The following PDZD7 variants were observed in gnomAD, a reference collection of about 807,000 sequenced individuals.
PDZD7 encodes PDZ domain-containing protein 7.
In PDZD7, 72 loss-of-function variants were observed where a neutral mutation model predicts 84.7. The observed-to-expected ratio is 0.85, with a 90% CI of 0.70 to 1.03. The LOEUF (loss-of-function observed/expected upper bound fraction) is 1.03. Among genes scored for constraint, PDZD7 ranks in the 50% least tolerant of loss-of-function variants. PDZD7 has a pLI of 0.00. For missense variants in PDZD7, 1,490 were observed against 1,412.9 expected, an observed-to-expected ratio of 1.05 and a Z score of -0.87; for synonymous variants, 594 against 580.7, an observed-to-expected ratio of 1.02 and a Z score of -0.33.
At chr10:101,019,610 CTCTTCTTCTT>C (rs1468316322) in intron 7 of PDZD7, among the ~76,000 whole-genome samples, 2 of 130,340 alleles carry the variant, frequency 1.5e-5, no homozygotes, top group Non-Finnish European at 3.4e-5. Flanking sequence ...CTTCTTCCTC[CTCTTCTTCTT>C]TCTTCTTCTT....
At position 101,015,786 on chromosome 10, in the gene PDZD7, C is replaced by G; in HGVS notation, c.1599G>C (p.Leu533=). ...RRDQERGRAL[L]SARSGSPSSQ... ...TGGAGGGACTCCCAGACCTGGCAGA[C>G]AGCAGGGCCCGGCCCCTCTCCTGGT... The change falls in exon 11 of 17, where the codon CTG becomes CTC. Residue 533 remains leucine (L), a synonymous_variant. Transcript: ENST00000619208. 6.5e-7 allele frequency: 1 copy of G among 1,549,280 alleles called. No individual in the cohort carries two copies. Among genetic ancestry groups the G allele is most frequent in the Non-Finnish European group, 8.7e-7 (1 of 1,146,752 alleles).
Position 101,022,330 on chromosome 10 carries a change from C to T in PDZD7, c.598G>A (p.Asp200Asn), listed in dbSNP as rs145910584. Residue 200 changes from aspartate (D) to asparagine (N), a missense_variant, in exon 5 of 17, where the codon GAC (aspartate) becomes AAC (asparagine). Physicochemically the swap from Asp to Asn is conservative, Grantham distance 23. Coordinates refer to ENST00000619208, the MANE Select transcript of PDZD7 (RefSeq NM_001195263.2). ...CGGACACCATCTTCTGAGCTGGTGT[C>T]GGAGGGTGTTGAACCGCACTTCTCC... ...VVEKCGSTPS[D>N]TSSEDGVRRI... The T allele has an allele frequency of 1.2e-4, 193 of 1,614,058 alleles. No individual in the cohort carries two copies. The highest frequency in any genetic ancestry group is 4.2e-4 in the Admixed American group (25 of 60,006).
At chr10:101,019,580 C>T (rs868796244) in intron 7 of PDZD7, among the ~76,000 whole-genome samples, 1 of 121,068 alleles carries the variant, frequency 8.3e-6, no homozygotes, top group African/African-American at 3.7e-5. Context: ...CCTCCTCCTC[C>T]TCCTCCTCTT....
intron 2 of PDZD7, among the ~76,000 whole-genome samples, chr10:101,026,196 T>C (rs574277746): frequency 6.6e-6 from 1 of 151,160 alleles, no homozygotes; most frequent in Non-Finnish European, 1.5e-5. Flanking sequence ...GTGCAATGGC[T>C]CAATCTTGGC....
chr10:101,023,265 G>A (rs1853231351), intron 4 of PDZD7, 171 bp downstream of exon 4: 20 of 729,886 alleles, frequency 2.7e-5, no homozygotes, highest in Non-Finnish European at 4.7e-5. Flanking sequence ...GGAGGGCAGG[G>A]GAAAGATGCA....
chr10:101,009,796 AG>A (rs1852335227), intron 15 of PDZD7, among the ~76,000 whole-genome samples: 1 of 151,970 alleles, frequency 6.6e-6, no homozygotes, highest in Non-Finnish European at 1.5e-5. Context: ...TAGTAGAGAC[AG>A]GGTTTCTCCA....
intron 9 of PDZD7, chr10:101,017,842 A>AGAAG (rs1852730251): frequency 3.7e-6 from 1 of 273,084 alleles, no homozygotes; most frequent in Non-Finnish European, 6.1e-6. Context: ...AAGGAAGGAA[A>AGAAG]GAAAGAAAGA....
chr10:101,018,142 G>T lies in PDZD7; in HGVS notation c.1479C>A (p.Ser493Arg). ...DGRREAWTLD[S>R]GSLAKTYPRL... is the part of the protein sequence containing the mutation. ...GAGGGTAAGTTTTGGCCAGGCTCCC[G>T]CTGTCCAGTGTCCAGGCCTCTCTGC... The change falls in exon 9 of 17, where the codon AGC (serine) becomes AGA (arginine). Residue 493 changes from serine to arginine, a missense_variant. By Grantham distance (110) the Ser-to-Arg change is moderately radical. Coordinates refer to ENST00000619208, the MANE Select transcript of PDZD7 (RefSeq NM_001195263.2). 2.5e-6 allele frequency: 4 copies of T among 1,614,200 alleles called. No individual in the cohort carries two copies. Among genetic ancestry groups the T allele is most frequent in the Non-Finnish European group, 3.4e-6 (4 of 1,180,042 alleles).
Position 101,016,338 on chromosome 10 carries a change from A to T in PDZD7, c.1573+39T>A, listed in dbSNP as rs117254110. The T allele has an allele frequency of 3.0e-5, 47 of 1,548,230 alleles. No homozygotes were observed. The East Asian group carries it at 7.8e-4, about 26-fold the overall frequency. Reference sequence around the variant, plus strand: ...AGTATGCACCCTCATCTGCCGCTCTACTGTAAACTAGGCCTTGGTAAAGGG... The same window carrying T: ...AGTATGCACCCTCATCTGCCGCTCTTCTGTAAACTAGGCCTTGGTAAAGGG... On this transcript the variant is annotated intron_variant, in intron 10 of 16. Coordinates refer to ENST00000619208, the MANE Select transcript of PDZD7 (RefSeq NM_001195263.2).
intron 9 of PDZD7, chr10:101,017,552 CG>C: frequency 1.4e-6 from 1 of 699,952 alleles, no homozygotes; most frequent in Non-Finnish European, 2.6e-6. Context: ...GAGACTAAGG[CG>C]GGTAGATAGC....
At position 101,007,886 on chromosome 10, in the gene PDZD7, C is replaced by CCCA. The variant is rs78254768; in HGVS notation, c.*578_*580dup. On this transcript the variant is annotated 3_prime_UTR_variant, in exon 17 of 17. Transcript: ENST00000619208. ...CAGGAACTTGTTTGACCCCCCCCCC[C>CCCA]CCACCATTTGCTGGCTATTCTCCTC... is the stretch of plus-strand genomic sequence containing the variant. The CCCA allele has an allele frequency of 1.7e-3, 148 of 89,240 alleles. 7 individuals are homozygous for CCCA. The highest frequency in any genetic ancestry group is 4.4e-3 in the Middle Eastern group (1 of 228). The allele number at this position is 89,240 out of a possible 1,614,324, so 5.5% of individuals were successfully genotyped here.
chr10:101,012,399 C>T (rs1852427930), intron 11 of PDZD7, 141 bp from the exon 12 acceptor site: 4 of 712,576 alleles, frequency 5.6e-6, no homozygotes, highest in Non-Finnish European at 9.8e-6. Flanking sequence ...GTTCACTCCA[C>T]CCCCAGCTGC....
chr10:101,017,647 A>C lies in PDZD7; in HGVS notation c.1522+452T>G, dbSNP rs138863546. 8.9e-3 allele frequency: 6,244 copies of C among 700,940 alleles called. 58 individuals carry two copies. Among genetic ancestry groups the C allele is most frequent in the Non-Finnish European group, 0.013 (4,835 of 384,404 alleles). The allele number at this position is 700,940 out of a possible 1,614,324, so 43.4% of individuals were successfully genotyped here. A position where few individuals can be genotyped will look rare whatever the true frequency, so the allele number is the denominator to read the frequency against. On this transcript the variant is annotated intron_variant, in intron 9 of 16. Transcript: ENST00000619208. The stretch of plus-strand genomic sequence containing the variant: ...AAAGATGCAAAAAAATTAGCTGAGC[A>C]TGGTGATGCACACGTGTCATGCCAG...
At position 101,009,334 on chromosome 10, in the gene PDZD7, C is replaced by T. The variant is rs1207143078; in HGVS notation, c.2634G>A (p.Gly878=). 1 of 1,535,878 alleles carries T rather than the reference C, an allele frequency of 6.5e-7. No individual in the cohort carries two copies. The highest frequency in any genetic ancestry group is 8.7e-7 in the Non-Finnish European group (1 of 1,146,834). ...TGGGCTGCACCTTGGACTCAATGCC[C>T]CCAGAAATGCTGATACCTAGTGACA... ...MKQSLGISIS[G]GIESKVQPMV... The change falls in exon 16 of 17, where the codon GGG becomes GGA. Residue 878 remains glycine (G), a synonymous_variant. Transcript: ENST00000619208.
intron 11 of PDZD7, 116 bp from the exon 12 acceptor site, chr10:101,012,374 C>T (rs61871509): frequency 3.5e-5 from 32 of 904,044 alleles, no homozygotes; most frequent in East Asian, 5.4e-5. Context: ...TCCAGCCCTG[C>T]GTGCCTTGGG....
Position 101,010,787 on chromosome 10 carries a change from G to A in PDZD7, c.2102C>T (p.Ser701Phe). Residue 701 changes from serine to phenylalanine, a missense_variant, in exon 15 of 17, where the codon TCC becomes TTC. Physicochemically the swap from Ser to Phe is radical, Grantham distance 155. Transcript: ENST00000619208. ...LRERLGALKV[S>F]PSASAPRHPH... Reference sequence around the variant, plus strand: ...GTGGCGAGGGGCAGAGGCACTTGGGGAGACCTTGAGGGCCCCCAGCCGCTC... The same window carrying A: ...GTGGCGAGGGGCAGAGGCACTTGGGAAGACCTTGAGGGCCCCCAGCCGCTC... 6.5e-7 allele frequency: 1 copy of A among 1,535,508 alleles called. No homozygotes were observed. Among genetic ancestry groups the A allele is most frequent in the Non-Finnish European group, 8.7e-7 (1 of 1,146,856 alleles).
intron 2 of PDZD7, among the ~76,000 whole-genome samples, chr10:101,025,300 C>A (rs1357073466): frequency 6.6e-6 from 1 of 152,054 alleles, no homozygotes; most frequent in East Asian, 1.9e-4. Context: ...ACTTCGGCCT[C>A]CCAGGTTTAA....
intron 2 of PDZD7, among the ~76,000 whole-genome samples, chr10:101,027,226 T>G (rs1032533333): frequency 6.6e-6 from 1 of 152,160 alleles, no homozygotes; most frequent in South Asian, 2.1e-4. Flanking sequence ...AGGCCCTGCC[T>G]GGGCTTTCCT....
At chr10:101,030,418 T>C (rs1938061848) in intron 1 of PDZD7, 34 bp from the exon 2 acceptor site, 14 of 685,386 alleles carry the variant, frequency 2.0e-5, no homozygotes, top group South Asian at 2.0e-4. Context: ...GGGAGGGGTG[T>C]AAATGTTTCC....
Sources: allele counts gnomAD v4.1 joint callset (sites outside exome capture counted in the v4.1 genomes callset), GRCh38; gene constraint gnomAD v4.1.1; transcripts MANE v1.5; gene names NCBI Gene and HGNC (gene_info 2026-07-23, HGNC 2026-07-21).